Variants in TULP4 observed in about 807,000 individuals in gnomAD.
The protein encoded by TULP4 is tubby-related protein 4.
Under a neutral mutation model 129.0 loss-of-function variants are expected in TULP4, and 16 were observed. That is an observed-to-expected ratio of 0.12 (90% CI 0.08 to 0.19). The LOEUF is 0.19. Among genes scored for constraint, TULP4 ranks in the 10% least tolerant of loss-of-function variants. TULP4 has a pLI of 1.00. For synonymous variants in TULP4, 998 were observed against 854.0 expected, an observed-to-expected ratio of 1.17 and a Z score of -2.94; for missense variants, 1,842 against 2,059.1, an observed-to-expected ratio of 0.89 and a Z score of 2.04.
Position 158,282,275 on chromosome 6 carries a change from C to G in TULP4, n.13C>G, listed in dbSNP as rs546132813. ...CTTTCTCGTTTAGTCCTGGGTCAAG[C>G]TGAGTATCTCCACGTTTAGGTGCAC... On this transcript the variant is annotated non_coding_transcript_exon_variant, in exon 1 of 2. Coordinates refer to the TULP4 transcript ENST00000432358. 6 of 152,126 alleles carry G rather than the reference C, an allele frequency of 3.9e-5. No homozygotes were observed. The East Asian group carries it at 1.2e-3, about 29-fold the overall frequency. 9.4% of individuals were successfully genotyped at this position (152,126 alleles called of 1,614,324 possible).
chr6:158,424,444 T>C (rs1454876387), intron 2 of TULP4, among the ~76,000 whole-genome samples: 1 of 152,064 alleles, frequency 6.6e-6, no homozygotes, highest in Non-Finnish European at 1.5e-5. Context: ...GAAACAGGGT[T>C]TCACCATGTT....
chr6:158,478,144 C>G (rs1022151372), intron 6 of TULP4, among the ~76,000 whole-genome samples: 1 of 152,102 alleles, frequency 6.6e-6, no homozygotes, highest in South Asian at 2.1e-4. Context: ...AAATGCCTGT[C>G]GGGTACTATG....
chr6:158,429,614 G>A (rs1778584534), intron 2 of TULP4, 122 bp from the exon 3 acceptor site: 8 of 1,076,918 alleles, frequency 7.4e-6, no homozygotes, highest in African/African-American at 1.6e-5. Context: ...AATAACATAT[G>A]TTATATTTTA....
In TULP4 at chr6:158,502,061, A is replaced by G. The variant is rs1338490078; in HGVS notation, c.2398A>G (p.Lys800Glu). Reference sequence around the variant, plus strand: ...AGACCGAGACCACGAACACCTGCAGAAGTCAGCCAAGGCCCTGCGGCCAAC... The same window carrying G: ...AGACCGAGACCACGAACACCTGCAGGAGTCAGCCAAGGCCCTGCGGCCAAC... ...HGDRDHEHLQ[K>E]SAKALRPTPQ... Residue 800 changes from lysine (K) to glutamate (E), a missense_variant, in exon 13 of 14, where the codon AAG becomes GAG. Lys to Glu is a moderately conservative substitution (Grantham distance 56). Transcript: ENST00000367097. 1.2e-6 allele frequency: 2 copies of G among 1,613,252 alleles called. No homozygotes were observed. The highest frequency in any genetic ancestry group is 1.7e-6 in the Non-Finnish European group (2 of 1,179,692).
At chr6:158,416,311 T>C (rs1778206986) in intron 2 of TULP4, among the ~76,000 whole-genome samples, 1 of 152,222 alleles carries the variant, frequency 6.6e-6, no homozygotes, top group Non-Finnish European at 1.5e-5. Flanking sequence ...CCAGTCAAGT[T>C]TGACACTCAG....
At chr6:158,349,200 C>CTGCCCGGCTG (rs1562529867) in intron 1 of TULP4, among the ~76,000 whole-genome samples, 5 of 147,218 alleles carry the variant, frequency 3.4e-5, no homozygotes, top group Non-Finnish European at 7.6e-5. Context: ...GCGCTCCTCA[C>CTGCCCGGCTG]CTCTCAGACG....
chr6:158,473,924 C>A (rs1380964723), intron 6 of TULP4, among the ~76,000 whole-genome samples: 1 of 151,054 alleles, frequency 6.6e-6, no homozygotes, highest in Admixed American at 6.6e-5. Flanking sequence ...CTCAAACGAT[C>A]CTCCTGCCTC....
At chr6:158,376,161 T>C (rs1777183851) in intron 1 of TULP4, among the ~76,000 whole-genome samples, 1 of 152,222 alleles carries the variant, frequency 6.6e-6, no homozygotes, top group Non-Finnish European at 1.5e-5. Flanking sequence ...CAGTTGTCTA[T>C]TGGATAGCAC....
chr6:158,455,265 G>A (rs1451635912), intron 5 of TULP4, among the ~76,000 whole-genome samples: 1 of 32,796 alleles, frequency 3.0e-5, no homozygotes, highest in East Asian at 4.9e-4. Flanking sequence ...TAGTAGAGAC[G>A]GGGTTTCACC....
chr6:158,465,940 T>C (rs552977826), intron 6 of TULP4, among the ~76,000 whole-genome samples: 12 of 152,236 alleles, frequency 7.9e-5, no homozygotes, highest in Non-Finnish European at 1.2e-4. Flanking sequence ...AAGGAATATT[T>C]TAAGTTAAAA....
At chr6:158,371,919 A>T (rs2114879746) in intron 1 of TULP4, among the ~76,000 whole-genome samples, 1 of 152,232 alleles carries the variant, frequency 6.6e-6, no homozygotes, top group Non-Finnish European at 1.5e-5. Context: ...GGTTCAGGTG[A>T]TCCTCCCACC....
intron 1 of TULP4, among the ~76,000 whole-genome samples, chr6:158,408,542 T>C (rs1014013232): frequency 2.0e-5 from 3 of 152,140 alleles, no homozygotes; most frequent in African/African-American, 7.2e-5. Flanking sequence ...CTTAAGATAC[T>C]CCTCACAACT....
At chr6:158,376,381 C>T (rs1390575662) in intron 1 of TULP4, among the ~76,000 whole-genome samples, 1 of 152,186 alleles carries the variant, frequency 6.6e-6, no homozygotes, top group Non-Finnish European at 1.5e-5. Context: ...CTGCTGAGCA[C>T]CTCTGCCTCT....
At chr6:158,240,312 C>T (rs1777854190) in intron 1 of TULP4, among the ~76,000 whole-genome samples, 1 of 89,108 alleles carries the variant, frequency 1.1e-5, no homozygotes, top group Non-Finnish European at 2.5e-5. Context: ...GCGCCCCTCA[C>T]CTCCCGGACG....
Position 158,396,230 on chromosome 6 carries a change from C to G in TULP4, c.253-16835C>G, listed in dbSNP as rs922756869. The stretch of plus-strand genomic sequence containing the variant: ...TGTTGTTCTTTGTATTTCCTCTCCC[C>G]AACCTCTATTCTCTCATGTCGAGGG... On this transcript the variant is annotated intron_variant, in intron 1 of 13. Coordinates refer to ENST00000367097, the MANE Select transcript of TULP4 (RefSeq NM_020245.5). Among the ~76,000 whole-genome samples, 4 of 152,144 alleles carry G rather than the reference C, an allele frequency of 2.6e-5. No homozygotes were observed. In the East Asian group the frequency reaches 7.7e-4, roughly 29 times the overall value.
intron 9 of TULP4, among the ~76,000 whole-genome samples, chr6:158,490,126 A>G (rs760716542): frequency 1.3e-4 from 20 of 152,218 alleles, no homozygotes; most frequent in Non-Finnish European, 2.8e-4. Flanking sequence ...AGCCGGGCAC[A>G]GTGGCTCACG....
At chr6:158,241,784 G>A (rs1777921383) in intron 1 of TULP4, 4 of 469,212 alleles carry the variant, frequency 8.5e-6, no homozygotes, top group East Asian at 4.3e-5. Context: ...TAGTAGAGAC[G>A]GGGTTTTACC....
chr6:158,259,010 A>G (rs550438443), intron 1 of TULP4, among the ~76,000 whole-genome samples: 41 of 152,224 alleles, frequency 2.7e-4, no homozygotes, highest in Admixed American at 2.6e-3. Flanking sequence ...CGGGTGGATC[A>G]CCTGAGGTCA....
chr6:158,408,195 G>A (rs180996372), intron 1 of TULP4, among the ~76,000 whole-genome samples: 5 of 152,170 alleles, frequency 3.3e-5, no homozygotes, highest in Admixed American at 6.5e-5. Context: ...GGTGCTGCAC[G>A]CAGAGCAAGC....
Sources: gnomAD v4.1 joint callset for allele counts (sites outside exome capture counted in the v4.1 genomes callset) on GRCh38, gnomAD v4.1.1 for gene constraint, MANE v1.5 for transcripts, NCBI Gene and HGNC (gene_info 2026-07-23, HGNC 2026-07-21) for gene names.